MPDZ: variants seen among roughly 807,000 people sequenced by gnomAD.
The protein encoded by MPDZ is multiple PDZ domain protein.
In MPDZ, 234 loss-of-function variants were observed where a neutral mutation model predicts 239.1. The observed-to-expected ratio is 0.98, with a 90% CI of 0.88 to 1.09. The LOEUF is 1.09. Ranked by LOEUF, MPDZ falls within the 50% of genes least tolerant of loss-of-function variation. MPDZ has a pLI of 0.00. For synonymous variants in MPDZ, 1,048 were observed against 881.3 expected, an observed-to-expected ratio of 1.19 and a Z score of -3.35; for missense variants, 3,175 against 2,510.0, an observed-to-expected ratio of 1.26 and a Z score of -5.66.
chr9:13,263,850 T>C (rs937739512), intron 1 of MPDZ, among the ~76,000 whole-genome samples: 3 of 152,230 alleles, frequency 2.0e-5, no homozygotes, highest in Admixed American at 6.5e-5. Flanking sequence ...ATAAAACTTA[T>C]ATATCTTCTA....
intron 21 of MPDZ, among the ~76,000 whole-genome samples, chr9:13,175,456 A>G (rs1444499776): frequency 6.6e-6 from 1 of 152,170 alleles, no homozygotes; most frequent in Non-Finnish European, 1.5e-5. Flanking sequence ...TTTTCTAAGA[A>G]TTCCTTTTCT....
rs372749445 is a variant in MPDZ at position 13,186,357 on chromosome 9, A to T, written c.2394T>A (p.Ala798=). The change falls in exon 18 of 47, where the codon GCT becomes GCA. Residue 798 remains alanine (A), a synonymous_variant. Coordinates refer to ENST00000319217, the MANE Select transcript of MPDZ (RefSeq NM_001378778.1). ...PLSPEEGYVS[A]KEDSFLYPPH... The stretch of plus-strand genomic sequence containing the variant: ...GTGGGTAGAGAAAGGAATCCTCCTT[A>T]GCAGAAACATAACCTTCTTCTGGTG... 6.3e-7 allele frequency: 1 copy of T among 1,586,518 alleles called. No individual in the cohort carries two copies. Among genetic ancestry groups the T allele is most frequent in the Admixed American group, 1.8e-5 (1 of 56,442 alleles).
At chr9:13,179,608 C>G (rs2134327874) in intron 19 of MPDZ, among the ~76,000 whole-genome samples, 1 of 152,134 alleles carries the variant, frequency 6.6e-6, no homozygotes. Flanking sequence ...CAGTTCTTCC[C>G]TCATAAGATG....
chr9:13,188,838 T>G lies in MPDZ; in HGVS notation c.2310A>C (p.Ala770=). The change falls in exon 17 of 47, where the codon GCA becomes GCC. Residue 770 remains alanine, a synonymous_variant. Coordinates refer to ENST00000319217, the MANE Select transcript of MPDZ (RefSeq NM_001378778.1). The stretch of plus-strand genomic sequence containing the variant: ...CAGTCCCTGACGGTGCTCCCTTCAG[T>G]GCTTCTACAGCTTCCTCAAGACTGC... The part of the protein sequence containing the change: ...ENSSLEEAVE[A]LKGAPSGTVR... 1 of 1,613,570 alleles carries G rather than the reference T, an allele frequency of 6.2e-7. No homozygotes were observed. The highest frequency in any genetic ancestry group is 8.5e-7 in the Non-Finnish European group (1 of 1,179,594).
intron 3 of MPDZ, among the ~76,000 whole-genome samples, chr9:13,243,732 C>T (rs1965954881): frequency 6.6e-6 from 1 of 152,060 alleles, no homozygotes. Flanking sequence ...ATAAAATTTC[C>T]AAAGAAAAGT....
chr9:13,151,446 T>C (rs1949158786), intron 24 of MPDZ, among the ~76,000 whole-genome samples: 1 of 152,234 alleles, frequency 6.6e-6, no homozygotes, highest in Admixed American at 6.6e-5. Flanking sequence ...TTCAATATTA[T>C]TCATCCTTTA....
intron 3 of MPDZ, among the ~76,000 whole-genome samples, chr9:13,236,022 G>A (rs764156316): frequency 2.0e-5 from 3 of 151,284 alleles, no homozygotes; most frequent in South Asian, 2.1e-4. Flanking sequence ...CAATGCTGTC[G>A]ACTTAAGTGG....
In MPDZ at chr9:13,168,519, C is replaced by A. The variant is rs376187489; in HGVS notation, c.3101G>T (p.Arg1034Leu). The change falls in exon 22 of 47, where the codon CGA (arginine) becomes CTA (leucine). Residue 1034 changes from arginine (R) to leucine (L), a missense_variant. Transcript: ENST00000319217. ...ANKDGLGMIVRSIIHGGAISR... is the reference protein window; with the variant it reads ...ANKDGLGMIVLSIIHGGAISR... ...AATGGCACCTCCATGAATAATGCTT[C>A]GAACGATCATCCCCAAGCCATCTTT... 6 of 1,612,700 alleles carry A rather than the reference C, an allele frequency of 3.7e-6. No homozygotes were observed. The highest frequency in any genetic ancestry group is 5.1e-6 in the Non-Finnish European group (6 of 1,179,390).
At chr9:13,123,509 A>G (rs889522580) in intron 35 of MPDZ, among the ~76,000 whole-genome samples, 6 of 152,262 alleles carry the variant, frequency 3.9e-5, no homozygotes, top group South Asian at 2.1e-4. Flanking sequence ...AATTTAGGGT[A>G]GTGGGCCAAA....
chr9:13,266,515 T>C (rs908459260), intron 1 of MPDZ, among the ~76,000 whole-genome samples: 29 of 152,312 alleles, frequency 1.9e-4, no homozygotes, highest in African/African-American at 6.7e-4. Context: ...AACCCTTAAA[T>C]TCAGCAGACA....
chr9:13,244,019 C>T (rs1010912037), intron 3 of MPDZ, among the ~76,000 whole-genome samples: 8 of 152,166 alleles, frequency 5.3e-5, no homozygotes, highest in Non-Finnish European at 2.9e-5. Flanking sequence ...TCTCTGTTGC[C>T]ATAGCTTTAA....
chr9:13,174,577 C>G lies in MPDZ; in HGVS notation c.3055+1175G>C, dbSNP rs145328963. On this transcript the variant is annotated intron_variant, in intron 21 of 46. Coordinates refer to ENST00000319217, the MANE Select transcript of MPDZ (RefSeq NM_001378778.1). ...CCGTCTTCTTAAATTTATCTCATCC[C>G]AAACTTTTAAACTTGGAACTCATTT... Among the ~76,000 whole-genome samples, 652 of 152,234 alleles carry G rather than the reference C, an allele frequency of 4.3e-3. 5 individuals are homozygous for G. Among genetic ancestry groups the G allele is most frequent in the Non-Finnish European group, 5.0e-3 (343 of 68,012 alleles).
chr9:13,238,846 TG>T (rs1285404940), intron 3 of MPDZ, among the ~76,000 whole-genome samples: 9 of 152,194 alleles, frequency 5.9e-5, no homozygotes, highest in African/African-American at 2.2e-4. Context: ...GCTATTAAGC[TG>T]CACATTAAAT....
chr9:13,242,967 G>C (rs1326471978), intron 3 of MPDZ, among the ~76,000 whole-genome samples: 4 of 152,172 alleles, frequency 2.6e-5, no homozygotes, highest in Non-Finnish European at 5.9e-5. Flanking sequence ...CGGGAATGGA[G>C]AGCATAAAAT....
At chr9:13,147,781 A>C in intron 25 of MPDZ, 123 bp from the exon 26 acceptor site, 1 of 662,682 alleles carries the variant, frequency 1.5e-6, no homozygotes. Flanking sequence ...TATCAAAAAT[A>C]ATTGAGACTA....
At position 13,121,727 on chromosome 9, in the gene MPDZ, C is replaced by T; in HGVS notation, c.5231+12G>A. On this transcript the variant is annotated intron_variant, in intron 38 of 46. Coordinates refer to ENST00000319217, the MANE Select transcript of MPDZ (RefSeq NM_001378778.1). The stretch of plus-strand genomic sequence containing the variant: ...TCCAAGGGAGCATTGGGTTTGTCCT[C>T]CTCAATCACACCTTTTACCAACAAT... The T allele has an allele frequency of 6.2e-7, 1 of 1,613,670 alleles. No homozygotes were observed. The highest frequency in any genetic ancestry group is 8.5e-7 in the Non-Finnish European group (1 of 1,179,656).
At position 13,122,093 on chromosome 9, in the gene MPDZ, G is replaced by C. The variant is rs764600037; in HGVS notation, c.5031C>G (p.Ile1677Met). 1 of 1,613,734 alleles carries C rather than the reference G, an allele frequency of 6.2e-7. No homozygotes were observed. The highest frequency in any genetic ancestry group is 1.3e-5 in the African/African-American group (1 of 74,908). Residue 1677 changes from isoleucine to methionine, a missense_variant, in exon 37 of 47, where the codon ATC becomes ATG. Coordinates refer to ENST00000319217, the MANE Select transcript of MPDZ (RefSeq NM_001378778.1). ...AAAAACAGGCATTCTATACCTCTAA[G>C]ATCTGATCTCCAGCCCAGAGTCTTC... Reference protein sequence around the residue: ...KDGRLWAGDQILEVNGIDLRK... With the variant: ...KDGRLWAGDQMLEVNGIDLRK...
Position 13,219,600 on chromosome 9 carries a change from T to C in MPDZ, c.1045A>G (p.Ile349Val), listed in dbSNP as rs763590764. ...GAAGTTGGGGATGAGGAGAGGGTGA[T>C]GCCCAAAGCAGTGGGTGCTGTACGT... ...EERTAPTALGITLSSSPTSTP... is the reference protein window; with the variant it reads ...EERTAPTALGVTLSSSPTSTP... The change falls in exon 8 of 47, where the codon ATC (isoleucine) becomes GTC (valine). Residue 349 changes from isoleucine to valine, a missense_variant. Transcript: ENST00000319217. 10 of 1,612,220 alleles carry C rather than the reference T, an allele frequency of 6.2e-6. No individual in the cohort carries two copies. The highest frequency in any genetic ancestry group is 8.5e-6 in the Non-Finnish European group (10 of 1,179,052).
intron 3 of MPDZ, among the ~76,000 whole-genome samples, chr9:13,236,231 GTA>G (rs1362594514): frequency 1.8e-3 from 94 of 52,862 alleles, no homozygotes; most frequent in Middle Eastern, 0.01. Flanking sequence ...GTGTGTATAT[GTA>G]TATGTGTGTG....
Sources: allele counts gnomAD v4.1 joint callset (sites outside exome capture counted in the v4.1 genomes callset), GRCh38; gene constraint gnomAD v4.1.1; transcripts MANE v1.5; gene names NCBI Gene and HGNC (gene_info 2026-07-23, HGNC 2026-07-21).